Variants in GLI2 observed in about 807,000 individuals in gnomAD.
GLI2 encodes the protein transcription activator GLI2.
GLI2 carries 22 observed loss-of-function variants against 78.9 expected under a neutral mutation model. The observed-to-expected ratio is 0.28, with a 90% CI of 0.20 to 0.40. The LOEUF (loss-of-function observed/expected upper bound fraction) is 0.40, where lower values mean the gene tolerates loss of function less well. Among genes scored for constraint, GLI2 ranks in the 10% least tolerant of loss-of-function variants. The pLI is 1.00. For synonymous variants in GLI2, 974 were observed against 963.7 expected, an observed-to-expected ratio of 1.01 and a Z score of -0.20; for missense variants, 2,097 against 2,213.2, an observed-to-expected ratio of 0.95 and a Z score of 1.05.
chr2:120,792,063 T>A (rs1684175769), intron 1 of GLI2, among the ~76,000 whole-genome samples: 1 of 152,156 alleles, frequency 6.6e-6, no homozygotes, highest in African/African-American at 2.4e-5. Context: ...AGGCTTCATC[T>A]CTCTCCTGGA....
At chr2:120,917,909 C>A (rs7580775) in intron 2 of GLI2, among the ~76,000 whole-genome samples, 21,470 of 152,268 alleles carry the variant, frequency 0.14, 2,922 homozygotes, top group African/African-American at 0.36. Context: ...ATGGTGGGAA[C>A]CACCAGAGCT....
At chr2:120,790,969 T>A (rs1320235283) in intron 1 of GLI2, among the ~76,000 whole-genome samples, 1 of 151,988 alleles carries the variant, frequency 6.6e-6, no homozygotes, top group Non-Finnish European at 1.5e-5. Context: ...TTACGGGCCA[T>A]GCTGGGAAGG....
chr2:120,919,083 G>C (rs1476983135), intron 2 of GLI2, among the ~76,000 whole-genome samples: 2 of 152,204 alleles, frequency 1.3e-5, no homozygotes, highest in Non-Finnish European at 2.9e-5. Flanking sequence ...AGATATTGGT[G>C]TATTTTGTGC....
intron 2 of GLI2, among the ~76,000 whole-genome samples, chr2:120,845,483 G>A (rs545367957): frequency 2.1e-4 from 32 of 152,278 alleles, no homozygotes; most frequent in African/African-American, 6.0e-4. Flanking sequence ...ACTTTCTGCC[G>A]TGCTCACATG....
chr2:120,853,856 G>T (rs1687520876), intron 2 of GLI2, among the ~76,000 whole-genome samples: 1 of 152,132 alleles, frequency 6.6e-6, no homozygotes, highest in Non-Finnish European at 1.5e-5. Flanking sequence ...TGGCTAGGGT[G>T]GGTCTAGGGG....
At chr2:120,958,670 T>C (rs909139744) in intron 5 of GLI2, among the ~76,000 whole-genome samples, 12 of 152,138 alleles carry the variant, frequency 7.9e-5, no homozygotes, top group South Asian at 2.1e-4. Flanking sequence ...CACTGCACAC[T>C]GGTCTTGCCA....
intron 2 of GLI2, among the ~76,000 whole-genome samples, chr2:120,922,391 T>C (rs1469691249): frequency 1.3e-5 from 2 of 152,112 alleles, no homozygotes; most frequent in Non-Finnish European, 2.9e-5. Context: ...ACTGTGCTAC[T>C]GTATTGGGAT....
At chr2:120,934,687 C>T (rs1431148010) in intron 3 of GLI2, among the ~76,000 whole-genome samples, 3 of 152,148 alleles carry the variant, frequency 2.0e-5, no homozygotes, top group African/African-American at 7.2e-5. Flanking sequence ...GCATATTACC[C>T]AGGGCCTCCG....
intron 2 of GLI2, among the ~76,000 whole-genome samples, chr2:120,885,002 TCCATTCA>T (rs1277099203): frequency 3.3e-5 from 5 of 152,192 alleles, no homozygotes; most frequent in Non-Finnish European, 5.9e-5. Context: ...TGGCTCCCTC[TCCATTCA>T]TTTCTTGCCT....
At chr2:120,958,762 TCTC>T (rs1681399175) in intron 5 of GLI2, among the ~76,000 whole-genome samples, 1 of 152,030 alleles carries the variant, frequency 6.6e-6, no homozygotes, top group Non-Finnish European at 1.5e-5. Context: ...CGCTAGGCCT[TCTC>T]CTGAGACCCC....
chr2:120,892,672 C>T (rs978059079), intron 2 of GLI2, among the ~76,000 whole-genome samples: 3 of 152,294 alleles, frequency 2.0e-5, no homozygotes, highest in East Asian at 3.9e-4. Context: ...AATCAGTAAC[C>T]CTACTTAACA....
In GLI2 at chr2:120,986,583, G is replaced by T. The variant is rs142856393; in HGVS notation, c.2211G>T (p.Arg737=). 889 of 1,614,116 alleles carry T rather than the reference G, an allele frequency of 5.5e-4. 3 individuals are homozygous for T. In the African/African-American group the frequency reaches 0.01, roughly 19 times the overall value. Residue 737 remains arginine (R), a synonymous_variant, in exon 13 of 14, where the codon CGG becomes CGT. Coordinates refer to ENST00000361492, the MANE Select transcript of GLI2 (RefSeq NM_001374353.1). ...GGGCCGGGCCGACTCCACACACGCG[G>T]AACACCAAGCTGCCTCCCCTCCCGG... ...CSWAGPTPHT[R]NTKLPPLPGS...
At chr2:120,900,652 A>G (rs569085533) in intron 2 of GLI2, among the ~76,000 whole-genome samples, 2 of 152,346 alleles carry the variant, frequency 1.3e-5, no homozygotes, top group Non-Finnish European at 2.9e-5. Flanking sequence ...TAGGCTCTAG[A>G]TAAACATTAT....
chr2:120,834,916 C>T (rs1573452907), intron 2 of GLI2, among the ~76,000 whole-genome samples: 1 of 152,048 alleles, frequency 6.6e-6, no homozygotes, highest in East Asian at 2.0e-4. Context: ...CTCTGCACCC[C>T]ATGTTCTCTG....
chr2:120,918,438 C>A (rs936286767), intron 2 of GLI2, among the ~76,000 whole-genome samples: 1 of 127,058 alleles, frequency 7.9e-6, no homozygotes, highest in Admixed American at 8.1e-5. Context: ...CATAAATATT[C>A]TTTTTTTTTT....
At chr2:120,840,992 C>A (rs1686842368) in intron 2 of GLI2, among the ~76,000 whole-genome samples, 1 of 152,172 alleles carries the variant, frequency 6.6e-6, no homozygotes, top group South Asian at 2.1e-4. Context: ...TCTTTCCTTG[C>A]CAGCTGAAAT....
intron 2 of GLI2, among the ~76,000 whole-genome samples, chr2:120,856,031 C>A (rs1408374671): frequency 6.6e-6 from 1 of 152,184 alleles, no homozygotes; most frequent in African/African-American, 2.4e-5. Context: ...AGCAAGGTCA[C>A]TGTGCTTGTC....
At chr2:120,974,745 G>A (rs900300912) in intron 8 of GLI2, among the ~76,000 whole-genome samples, 3 of 152,198 alleles carry the variant, frequency 2.0e-5, no homozygotes, top group African/African-American at 7.2e-5. Context: ...TGTGGGCGGG[G>A]CTGAGTTGAG....
intron 2 of GLI2, among the ~76,000 whole-genome samples, chr2:120,902,157 T>C (rs1021102707): frequency 2.0e-5 from 3 of 151,788 alleles, no homozygotes; most frequent in Admixed American, 1.3e-4. Context: ...CCATGGAAAT[T>C]GGCACATGCT....
Sources: gnomAD v4.1 joint callset for allele counts (sites outside exome capture counted in the v4.1 genomes callset) on GRCh38, gnomAD v4.1.1 for gene constraint, MANE v1.5 for transcripts, NCBI Gene and HGNC (gene_info 2026-07-23, HGNC 2026-07-21) for gene names.